The following CIT variants were observed in gnomAD, a reference collection of about 807,000 sequenced individuals.
The protein encoded by CIT is citron rho-interacting serine/threonine kinase, also known as citron Rho-interacting kinase.
A neutral mutation model predicts 272.7 loss-of-function variants in CIT; 79 were observed. The ratio of observed to expected loss-of-function variants is 0.29; its 90% CI spans 0.24 to 0.35. The LOEUF is 0.35. Among genes scored for constraint, CIT ranks in the 10% least tolerant of loss-of-function variants. The pLI, the probability that CIT is intolerant of heterozygous loss-of-function variation, is 1.00. For missense variants in CIT, 1,909 were observed against 2,618.3 expected, an observed-to-expected ratio of 0.73 and a Z score of 5.91; for synonymous variants, 948 against 995.6, an observed-to-expected ratio of 0.95 and a Z score of 0.90.
At chr12:119,705,236 CA>C (rs1163121147) in intron 40 of CIT, among the ~76,000 whole-genome samples, 1 of 152,086 alleles carries the variant, frequency 6.6e-6, no homozygotes, top group Non-Finnish European at 1.5e-5. Flanking sequence ...AATTTCAATC[CA>C]AAAGGAAAAG....
At chr12:119,831,640 C>A (rs1593894703) in intron 7 of CIT, among the ~76,000 whole-genome samples, 1 of 152,190 alleles carries the variant, frequency 6.6e-6, no homozygotes, top group African/African-American at 2.4e-5. Context: ...GAGGCCGAAG[C>A]GAGTGGATCA....
chr12:119,817,429 G>A (rs985120456), intron 9 of CIT, among the ~76,000 whole-genome samples: 21 of 151,992 alleles, frequency 1.4e-4, no homozygotes, highest in African/African-American at 3.6e-4. Flanking sequence ...GAAGAATGGC[G>A]TGAACCTGGG....
At chr12:119,782,416 C>T in intron 13 of CIT, 102 bp downstream of exon 13, 1 of 1,380,580 alleles carries the variant, frequency 7.2e-7, no homozygotes, top group Non-Finnish European at 1.0e-6. Flanking sequence ...CACCCTTTCT[C>T]TCTCTCCCTT....
At chr12:119,754,676 A>G (rs931814251) in intron 22 of CIT, among the ~76,000 whole-genome samples, 1 of 152,230 alleles carries the variant, frequency 6.6e-6, no homozygotes, top group African/African-American at 2.4e-5. Flanking sequence ...CAATCTCAGT[A>G]GCAGCATGTG....
At chr12:119,874,747 G>A (rs1489851164) in intron 2 of CIT, among the ~76,000 whole-genome samples, 10 of 151,880 alleles carry the variant, frequency 6.6e-5, no homozygotes, top group African/African-American at 1.5e-4. Flanking sequence ...TTAGCCGGGC[G>A]AGGTGACGGG....
chr12:119,724,540 C>G (rs562594818), intron 28 of CIT, among the ~76,000 whole-genome samples: 5 of 152,052 alleles, frequency 3.3e-5, no homozygotes, highest in Admixed American at 1.3e-4. Context: ...CTATGAGGAG[C>G]GTTGGGGAAG....
At chr12:119,827,603 A>G (rs1968278660) in intron 7 of CIT, among the ~76,000 whole-genome samples, 1 of 151,960 alleles carries the variant, frequency 6.6e-6, no homozygotes, top group African/African-American at 2.4e-5. Context: ...ACACCCAGAT[A>G]ATTTTTGTAT....
intron 9 of CIT, among the ~76,000 whole-genome samples, chr12:119,806,873 G>A (rs1966642546): frequency 6.6e-6 from 1 of 152,042 alleles, no homozygotes; most frequent in Non-Finnish European, 1.5e-5. Flanking sequence ...ACATTTGAAA[G>A]GAACCAAACT....
intron 4 of CIT, among the ~76,000 whole-genome samples, chr12:119,854,764 C>A (rs1352918153): frequency 6.6e-6 from 1 of 151,422 alleles, no homozygotes; most frequent in Non-Finnish European, 1.5e-5. Flanking sequence ...GCCTGACCAA[C>A]ATGGTGAAAC....
chr12:119,714,104 T>A (rs1957318772), intron 33 of CIT, 93 bp downstream of exon 33: 10 of 1,456,024 alleles, frequency 6.9e-6, no homozygotes, highest in Middle Eastern at 1.9e-4. Flanking sequence ...ATGCACTATA[T>A]GATGAGTTAG....
chr12:119,752,086 G>C lies in CIT; in HGVS notation c.2868C>G (p.Thr956=). ...GGATCTCCTCTTCAGCTTCTGCTGT[G>C]GTCTCTTCCAGCTCTGTCTTCGCCT... The part of the protein sequence containing the change: ...LRQAKTELEE[T]TAEAEEEIQA... Residue 956 remains threonine (T), a synonymous_variant, in exon 23 of 48, where the codon ACC becomes ACG. Coordinates refer to ENST00000392521, the MANE Select transcript of CIT (RefSeq NM_001206999.2). 1 of 1,612,690 alleles carries C rather than the reference G, an allele frequency of 6.2e-7. No homozygotes were observed. The highest frequency in any genetic ancestry group is 2.2e-5 in the East Asian group (1 of 44,882).
rs767103811 is a variant in CIT, at chr12:119,783,895, A to G, written c.1545+13T>C. 5.8e-6 allele frequency: 9 copies of G among 1,556,868 alleles called. No individual in the cohort carries two copies. In the South Asian group the frequency reaches 1.1e-4, roughly 19 times the overall value. ...GCCACCTCCAAGGGAAGGGGGCTTC[A>G]GGGAAGGCTCACACTGCATTCTGTG... On this transcript the variant is annotated intron_variant, in intron 12 of 47. Transcript: ENST00000392521.
rs190982369 is a variant in CIT, at chr12:119,774,584, G to A, written c.1941+1202C>T. On this transcript the variant is annotated intron_variant, in intron 16 of 47. Coordinates refer to ENST00000392521, the MANE Select transcript of CIT (RefSeq NM_001206999.2). ...TGTGTGTGTGTGTGTGTGTGTGTGT[G>A]TATACATCACATTGCATACTATAAG... Among the ~76,000 whole-genome samples the A allele has an allele frequency of 4.3e-4, 63 of 146,312 alleles. 1 individual carries two copies. The highest frequency in any genetic ancestry group is 1.5e-3 in the African/African-American group (60 of 39,290).
chr12:119,703,953 C>G (rs1956732327), intron 41 of CIT, among the ~76,000 whole-genome samples: 1 of 152,130 alleles, frequency 6.6e-6, no homozygotes, highest in East Asian at 1.9e-4. Flanking sequence ...CTGGTTATTG[C>G]AGAAGGTTAT....
Position 119,752,165 on chromosome 12 carries a change from G to A in CIT, c.2789C>T (p.Ser930Leu). The A allele has an allele frequency of 6.2e-7, 1 of 1,612,720 alleles. No homozygotes were observed. ...ELQLSLQERE[S>L]QLTALQAARA... The stretch of plus-strand genomic sequence containing the variant: ...TGCAGCCTGCAGGGCTGTCAACTGT[G>A]ACTCGCGCTCCTGCAGGGAGAGCTG... The change falls in exon 23 of 48, where the codon TCA becomes TTA. Residue 930 changes from serine to leucine, a missense_variant. Coordinates refer to ENST00000392521, the MANE Select transcript of CIT (RefSeq NM_001206999.2).
chr12:119,704,504 G>T, intron 40 of CIT, 49 bp from the exon 41 acceptor site: 1 of 1,529,676 alleles, frequency 6.5e-7, no homozygotes, highest in Non-Finnish European at 9.0e-7. Flanking sequence ...TGTGATACCG[G>T]CTGTGGGGCA....
chr12:119,701,055 C>A, intron 43 of CIT: 1 of 255,294 alleles, frequency 3.9e-6, no homozygotes, highest in Non-Finnish European at 7.2e-6. Flanking sequence ...AGAAAGAGAA[C>A]TCAAGTGAAA....
chr12:119,710,227 A>AAC lies in CIT; in HGVS notation c.5071+22_5071+23dup. 6.2e-7 allele frequency: 1 copy of AAC among 1,603,218 alleles called. No individual in the cohort carries two copies. The highest frequency in any genetic ancestry group is 1.1e-5 in the South Asian group (1 of 89,824). ...TTGGCTCCCTTGAAAGTAAAGAAAA[A>AAC]ACACCATGTCCTTGGCCTCACACCT... On this transcript the variant is annotated intron_variant, in intron 39 of 47. Transcript: ENST00000392521. The surrounding 1 kb of genome is among the most constrained non-coding windows in gnomAD (Gnocchi z 5.6).
Position 119,690,496 on chromosome 12 carries a change from C to T in CIT, c.5883-42G>A. On this transcript the variant is annotated intron_variant, in intron 46 of 47. Transcript: ENST00000392521. The surrounding 1 kb of genome is among the most constrained non-coding windows in gnomAD (Gnocchi z 6.0). ...AACGTAGGGAGCTGCGAGGCCACAA[C>T]CCCAGAGGGGCATTTTCCTTCTTAC... is the stretch of plus-strand genomic sequence containing the variant. 6.6e-7 allele frequency: 1 copy of T among 1,508,268 alleles called. No individual in the cohort carries two copies. The highest frequency in any genetic ancestry group is 8.8e-7 in the Non-Finnish European group (1 of 1,139,226). 93.4% of individuals were successfully genotyped at this position (1,508,268 alleles called of 1,614,324 possible).
Sources: gnomAD v4.1 joint callset for allele counts (sites outside exome capture counted in the v4.1 genomes callset) on GRCh38, gnomAD v4.1.1 for gene constraint, Gnocchi (gnomAD v3.1) non-coding constraint, MANE v1.5 for transcripts, NCBI Gene and HGNC (gene_info 2026-07-23, HGNC 2026-07-21) for gene names.